The following C2CD3 variants were observed in gnomAD, a reference collection of about 807,000 sequenced individuals.
The protein encoded by C2CD3 is C2 domain containing 3 centriole elongation regulator, also known as C2 domain-containing protein 3.
A neutral mutation model predicts 234.0 loss-of-function variants in C2CD3; 148 were observed. The observed-to-expected ratio is 0.63, with a 90% CI of 0.55 to 0.72. The LOEUF is 0.72. Ranked by LOEUF, C2CD3 falls within the 30% of genes least tolerant of loss-of-function variation. The pLI is 0.00. For missense variants in C2CD3, 2,577 were observed against 2,811.5 expected, an observed-to-expected ratio of 0.92 and a Z score of 1.89; for synonymous variants, 1,000 against 1,035.4, an observed-to-expected ratio of 0.97 and a Z score of 0.66.
intron 23 of C2CD3, among the ~76,000 whole-genome samples, chr11:74,076,693 C>T (rs1413956476): frequency 6.6e-6 from 1 of 152,152 alleles, no homozygotes; most frequent in East Asian, 1.9e-4. Context: ...GAAATTACTA[C>T]AGTCCCCAAA....
chr11:74,055,297 C>G (rs1183130513), intron 25 of C2CD3, among the ~76,000 whole-genome samples: 1 of 152,072 alleles, frequency 6.6e-6, no homozygotes, highest in Non-Finnish European at 1.5e-5. Flanking sequence ...GGCAAGGCAA[C>G]AAAATAAGAA....
intron 25 of C2CD3, 33 bp from the exon 26 acceptor site, chr11:74,054,704 GTAT>G (rs781472896): frequency 4.8e-6 from 7 of 1,453,816 alleles, no homozygotes; most frequent in African/African-American, 2.8e-5. Flanking sequence ...TAAACTAAAT[GTAT>G]AGGAACTTTC....
At chr11:74,113,749 C>A in intron 11 of C2CD3, 31 bp downstream of exon 11, 2 of 1,177,292 alleles carry the variant, frequency 1.7e-6, no homozygotes, top group South Asian at 1.2e-5. Context: ...GTCAGAATGT[C>A]TAAGGTGCAG....
intron 24 of C2CD3, among the ~76,000 whole-genome samples, chr11:74,063,308 T>C (rs1954339917): frequency 6.6e-6 from 1 of 152,206 alleles, no homozygotes; most frequent in Non-Finnish European, 1.5e-5. Context: ...TACCAAAGCC[T>C]GGCAGAAACA....
At position 74,103,225 on chromosome 11, in the gene C2CD3, T is replaced by C; in HGVS notation, c.2486A>G (p.Asn829Ser). ...SGESEKQSPC[N>S]VYLNCKLFST... ...GAAGAGTTTACAATTTAAATAAACA[T>C]TGCATGGTGATTGTTTCTCAGATTC... The change falls in exon 14 of 33, where the codon AAT becomes AGT. Residue 829 changes from asparagine (N) to serine (S), a missense_variant. Transcript: ENST00000334126. 5 of 1,614,170 alleles carry C rather than the reference T, an allele frequency of 3.1e-6. No individual in the cohort carries two copies. Among genetic ancestry groups the C allele is most frequent in the Non-Finnish European group, 4.2e-6 (5 of 1,180,002 alleles).
intron 25 of C2CD3, among the ~76,000 whole-genome samples, 169 bp from the exon 26 acceptor site, chr11:74,054,840 T>C (rs144546523): frequency 2.0e-5 from 3 of 152,304 alleles, no homozygotes; most frequent in African/African-American, 4.8e-5. Context: ...AATGAGGGGA[T>C]GGAAGCTCAG....
At chr11:74,152,723 T>C (rs1180705747) in intron 3 of C2CD3, among the ~76,000 whole-genome samples, 1 of 152,188 alleles carries the variant, frequency 6.6e-6, no homozygotes, top group Non-Finnish European at 1.5e-5. Flanking sequence ...TGGTTTTGTT[T>C]TTAGAAATGA....
chr11:74,135,387 C>T (rs1347654933), intron 5 of C2CD3, among the ~76,000 whole-genome samples: 1 of 152,130 alleles, frequency 6.6e-6, no homozygotes, highest in African/African-American at 2.4e-5. Context: ...CCCACCACAG[C>T]CTCCCAAAGT....
chr11:74,085,547 C>G, intron 21 of C2CD3, 71 bp downstream of exon 21: 1 of 1,486,966 alleles, frequency 6.7e-7, no homozygotes, highest in Non-Finnish European at 9.3e-7. Flanking sequence ...TATGTATCTC[C>G]TAGGAAGGGC....
chr11:74,133,359 C>T (rs930454494), intron 6 of C2CD3, 66 bp downstream of exon 6: 35 of 1,466,370 alleles, frequency 2.4e-5, no homozygotes, highest in Middle Eastern at 2.0e-4. Flanking sequence ...CATAACTTGA[C>T]AAAAAACACA....
Position 74,094,157 on chromosome 11 carries a change from G to T in C2CD3, c.3161-158C>A, listed in dbSNP as rs751680220. On this transcript the variant is annotated intron_variant, in intron 17 of 32. Transcript: ENST00000334126. ...CAGAAGAAAAAGATACCTTGCTGGT[G>T]GACAATTCATATATTGCCATACAAG... is the stretch of plus-strand genomic sequence containing the variant. Among the ~76,000 whole-genome samples, 3 of 150,738 alleles carry T rather than the reference G, an allele frequency of 2.0e-5. No individual in the cohort carries two copies. The East Asian group carries it at 5.8e-4, about 29-fold the overall frequency.
chr11:74,143,806 G>C (rs755331622), intron 3 of C2CD3, among the ~76,000 whole-genome samples: 1 of 152,160 alleles, frequency 6.6e-6, no homozygotes, highest in South Asian at 2.1e-4. Context: ...TAAAATAACT[G>C]TTTTCTCCTT....
chr11:74,019,131 A>T (rs1591259738), intron 32 of C2CD3, among the ~76,000 whole-genome samples: 1 of 152,222 alleles, frequency 6.6e-6, no homozygotes, highest in Non-Finnish European at 1.5e-5. Flanking sequence ...TCTGCCAGAG[A>T]GAGGGCTCCA....
chr11:74,086,074 A>G (rs888476224), intron 20 of C2CD3, among the ~76,000 whole-genome samples, 188 bp from the exon 21 acceptor site: 1 of 152,172 alleles, frequency 6.6e-6, no homozygotes, highest in Non-Finnish European at 1.5e-5. Context: ...TGGCATATGT[A>G]TATGGGAGTG....
chr11:74,134,841 T>C (rs1257435880), intron 5 of C2CD3, among the ~76,000 whole-genome samples: 2 of 152,098 alleles, frequency 1.3e-5, no homozygotes, highest in Non-Finnish European at 2.9e-5. Flanking sequence ...TCCTCCCATC[T>C]CAGTCTCCCA....
At chr11:74,101,904 G>C (rs1445650114) in intron 14 of C2CD3, among the ~76,000 whole-genome samples, 2 of 152,000 alleles carry the variant, frequency 1.3e-5, no homozygotes, top group African/African-American at 4.8e-5. Context: ...AAGGATATAG[G>C]GAATCACGGA....
intron 32 of C2CD3, among the ~76,000 whole-genome samples, chr11:74,018,559 A>G (rs770511301): frequency 5.3e-5 from 8 of 152,170 alleles, no homozygotes; most frequent in Non-Finnish European, 1.0e-4. Context: ...GGACCTGCCA[A>G]TGGATTGCTG....
intron 19 of C2CD3, among the ~76,000 whole-genome samples, chr11:74,091,528 T>C (rs1329883699): frequency 6.6e-6 from 1 of 152,224 alleles, no homozygotes; most frequent in East Asian, 1.9e-4. Flanking sequence ...CAACTTGATA[T>C]AGGAGGCTAA....
intron 6 of C2CD3, 78 bp from the exon 7 acceptor site, chr11:74,133,050 C>T: frequency 7.2e-7 from 1 of 1,385,458 alleles, no homozygotes; most frequent in Non-Finnish European, 1.0e-6. Context: ...TTCGTACATG[C>T]AGCTGGTCTG....
Sources: allele counts gnomAD v4.1 joint callset (sites outside exome capture counted in the v4.1 genomes callset), GRCh38; gene constraint gnomAD v4.1.1; transcripts MANE v1.5; gene names NCBI Gene and HGNC (gene_info 2026-07-23, HGNC 2026-07-21).